Variants in HCN1 observed in about 807,000 individuals in gnomAD.
HCN1 encodes potassium/sodium hyperpolarization-activated cyclic nucleotide-gated channel 1.
In HCN1, 13 loss-of-function variants were observed where a neutral mutation model predicts 78.9. The ratio of observed to expected loss-of-function variants is 0.16; its 90% CI spans 0.11 to 0.26. The LOEUF is 0.26. Ranked by LOEUF, HCN1 falls within the 10% of genes least tolerant of loss-of-function variation. HCN1 has a pLI of 1.00. For synonymous variants in HCN1, 552 were observed against 455.5 expected (o/e 1.21, Z -2.70); for missense variants, 810 against 1,154.3 (o/e 0.70, Z 4.32).
rs1296501417 is a variant in HCN1, at chr5:45,358,661, C to A, written c.1231-5415G>T. Among the ~76,000 whole-genome samples the A allele has an allele frequency of 2.0e-5, 3 of 152,050 alleles. No individual in the cohort carries two copies. In the East Asian group the frequency reaches 5.8e-4, roughly 29 times the overall value. On this transcript the variant is annotated intron_variant, in intron 4 of 7. Coordinates refer to ENST00000303230, the MANE Select transcript of HCN1 (RefSeq NM_021072.4). ...CCTAAAGGAAACTAAAAATATTTCA[C>A]CCCAAATATACCTCTTTGACATATT...
chr5:45,315,314 A>G (rs1745959890), intron 5 of HCN1, among the ~76,000 whole-genome samples: 2 of 152,214 alleles, frequency 1.3e-5, no homozygotes. Flanking sequence ...CTGAATGACT[A>G]CTGGGTACAC....
Position 45,373,359 on chromosome 5 carries a change from A to C in HCN1, c.1231-20113T>G, listed in dbSNP as rs529086995. On this transcript the variant is annotated intron_variant, in intron 4 of 7. Transcript: ENST00000303230. ...TTTAATATATAAAATATATATTTAT[A>C]AATATAATATATATTTTATATAATA... Among the ~76,000 whole-genome samples, 56 of 119,444 alleles carry C rather than the reference A, an allele frequency of 4.7e-4. No homozygotes were observed. In the East Asian group the frequency reaches 0.012, roughly 26 times the overall value. The allele number at this position is 119,444 out of a possible 152,430, so 78.4% of individuals were successfully genotyped here.
At chr5:45,309,418 T>G (rs1463726183) in intron 5 of HCN1, among the ~76,000 whole-genome samples, 1 of 152,128 alleles carries the variant, frequency 6.6e-6, no homozygotes, top group African/African-American at 2.4e-5. Context: ...ATAAGAGTGG[T>G]GAGAGAAGAT....
intron 4 of HCN1, among the ~76,000 whole-genome samples, chr5:45,376,067 T>C (rs1377250877): frequency 9.2e-6 from 1 of 108,886 alleles, no homozygotes; most frequent in African/African-American, 4.2e-5. Context: ...TACAATATAA[T>C]ATGTTATAAT....
At chr5:45,521,361 CAG>C (rs1471492421) in intron 2 of HCN1, among the ~76,000 whole-genome samples, 1 of 151,836 alleles carries the variant, frequency 6.6e-6, no homozygotes, top group Non-Finnish European at 1.5e-5. Context: ...ATTTGAACAA[CAG>C]AAATTTATTG....
chr5:45,294,363 C>T (rs528391295), intron 6 of HCN1, among the ~76,000 whole-genome samples: 18 of 152,028 alleles, frequency 1.2e-4, no homozygotes, highest in African/African-American at 2.6e-4. Flanking sequence ...TCACAGCTTG[C>T]GAAATGTCCA....
intron 2 of HCN1, among the ~76,000 whole-genome samples, chr5:45,588,735 T>C (rs1744295009): frequency 1.3e-5 from 2 of 152,170 alleles, no homozygotes; most frequent in Non-Finnish European, 2.9e-5. Flanking sequence ...TTCATACCTG[T>C]CAGCACCCAG....
chr5:45,355,580 G>A (rs1746991846), intron 4 of HCN1, among the ~76,000 whole-genome samples: 1 of 151,974 alleles, frequency 6.6e-6, no homozygotes, highest in Non-Finnish European at 1.5e-5. Context: ...AGCAAGTTAA[G>A]TTTAAGATGC....
intron 3 of HCN1, among the ~76,000 whole-genome samples, chr5:45,457,791 G>C (rs1259512557): frequency 1.3e-5 from 2 of 152,096 alleles, no homozygotes; most frequent in Non-Finnish European, 2.9e-5. Context: ...GTGAAAGAGA[G>C]CTGGAGATAG....
At chr5:45,557,564 T>C (rs1263727584) in intron 2 of HCN1, among the ~76,000 whole-genome samples, 1 of 152,138 alleles carries the variant, frequency 6.6e-6, no homozygotes, top group Non-Finnish European at 1.5e-5. Context: ...TTTAAATAAA[T>C]TGAGGCTTTT....
At chr5:45,581,517 T>G (rs868265669) in intron 2 of HCN1, among the ~76,000 whole-genome samples, 1 of 152,206 alleles carries the variant, frequency 6.6e-6, no homozygotes, top group Non-Finnish European at 1.5e-5. Flanking sequence ...AGAAGCTCTT[T>G]AGTTTAATTA....
At chr5:45,302,940 C>CT (rs1425864178) in intron 6 of HCN1, among the ~76,000 whole-genome samples, 1 of 152,072 alleles carries the variant, frequency 6.6e-6, no homozygotes, top group Non-Finnish European at 1.5e-5. Context: ...ATATAGAACT[C>CT]TAAGTCCAAT....
intron 2 of HCN1, among the ~76,000 whole-genome samples, chr5:45,543,164 ATTGT>A (rs1743138962): frequency 6.6e-6 from 1 of 152,122 alleles, no homozygotes; most frequent in African/African-American, 2.4e-5. Flanking sequence ...ATTCATAATG[ATTGT>A]TGCTTCAATG....
At chr5:45,411,945 T>C (rs1740032326) in intron 3 of HCN1, among the ~76,000 whole-genome samples, 1 of 152,104 alleles carries the variant, frequency 6.6e-6, no homozygotes, top group Admixed American at 6.6e-5. Flanking sequence ...TCAAGCAGAA[T>C]GCCAAGTTTG....
At chr5:45,429,217 A>T (rs1443611260) in intron 3 of HCN1, among the ~76,000 whole-genome samples, 1 of 152,208 alleles carries the variant, frequency 6.6e-6, no homozygotes, top group Non-Finnish European at 1.5e-5. Context: ...CACCTCTTCT[A>T]GTTATACATT....
At chr5:45,371,489 T>C (rs1204235924) in intron 4 of HCN1, among the ~76,000 whole-genome samples, 1 of 151,900 alleles carries the variant, frequency 6.6e-6, no homozygotes, top group Non-Finnish European at 1.5e-5. Context: ...CTGGGCACGG[T>C]GACTCATGCC....
chr5:45,359,827 C>G (rs1393502772), intron 4 of HCN1, among the ~76,000 whole-genome samples: 1 of 151,734 alleles, frequency 6.6e-6, no homozygotes, highest in Non-Finnish European at 1.5e-5. Context: ...TTAAAAATAT[C>G]TGAGTATCTT....
At chr5:45,602,958 C>T (rs536947583) in intron 2 of HCN1, among the ~76,000 whole-genome samples, 1 of 152,198 alleles carries the variant, frequency 6.6e-6, no homozygotes, top group East Asian at 1.9e-4. Flanking sequence ...CTAATCCAAT[C>T]AAATATCTGT....
At chr5:45,287,732 T>C (rs1013654426) in intron 6 of HCN1, among the ~76,000 whole-genome samples, 13 of 151,970 alleles carry the variant, frequency 8.6e-5, no homozygotes, top group Admixed American at 6.6e-4. Flanking sequence ...TGATATAGAG[T>C]CATTTTCATT....
Sources: gnomAD v4.1 joint callset for allele counts (sites outside exome capture counted in the v4.1 genomes callset) on GRCh38, gnomAD v4.1.1 for gene constraint, MANE v1.5 for transcripts, NCBI Gene and HGNC (gene_info 2026-07-23, HGNC 2026-07-21) for gene names.